Variants in CTTN observed in about 807,000 individuals in gnomAD.
CTTN encodes cortactin, also known as src substrate cortactin.
Under a neutral mutation model 84.0 loss-of-function variants are expected in CTTN, and 28 were observed. That is an observed-to-expected ratio of 0.33 (90% CI 0.25 to 0.46). The LOEUF (loss-of-function observed/expected upper bound fraction) is 0.46, where lower values mean the gene tolerates loss of function less well. CTTN is among the 20% of genes least tolerant of loss of function. CTTN has a pLI of 1.00. For synonymous variants in CTTN, 301 were observed against 288.8 expected (o/e 1.04, Z -0.43); for missense variants, 641 against 723.8 (o/e 0.89, Z 1.31).
intron 13 of CTTN, among the ~76,000 whole-genome samples, 190 bp from the exon 14 acceptor site, chr11:70,428,861 C>T (rs2058325365): frequency 6.6e-6 from 1 of 152,226 alleles, no homozygotes; most frequent in Non-Finnish European, 1.5e-5. Context: ...GTACGCAGTG[C>T]CCTGCGGCAG....
chr11:70,412,410 G>C (rs2058105064), intron 5 of CTTN, among the ~76,000 whole-genome samples: 1 of 152,148 alleles, frequency 6.6e-6, no homozygotes, highest in Non-Finnish European at 1.5e-5. Context: ...GCGACAGAGA[G>C]AGACGCTGTC....
At chr11:70,424,492 C>T (rs1433112912) in intron 12 of CTTN, among the ~76,000 whole-genome samples, 1 of 151,996 alleles carries the variant, frequency 6.6e-6, no homozygotes, top group Non-Finnish European at 1.5e-5. Context: ...CTGCCCGGGT[C>T]CCCATACATT....
chr11:70,432,293 C>G (rs899727848), intron 15 of CTTN, among the ~76,000 whole-genome samples: 4 of 152,228 alleles, frequency 2.6e-5, no homozygotes, highest in Admixed American at 2.0e-4. Flanking sequence ...CCCTGCCCCT[C>G]CCGTGCAGTT....
chr11:70,436,082 G>C lies in CTTN; in HGVS notation c.*920G>C. The C allele has an allele frequency of 7.0e-7, 1 of 1,426,166 alleles. No homozygotes were observed. Among genetic ancestry groups the C allele is most frequent in the East Asian group, 2.5e-5 (1 of 39,342 alleles). 88.3% of individuals were successfully genotyped at this position (1,426,166 alleles called of 1,614,324 possible). A position where few individuals can be genotyped will look rare whatever the true frequency, so the allele number is the denominator to read the frequency against. On this transcript the variant is annotated 3_prime_UTR_variant, in exon 18 of 18. Coordinates refer to ENST00000301843, the MANE Select transcript of CTTN (RefSeq NM_005231.4). ...GGCCTTGGGAAGGAAGGCAGTGCCT[G>C]CTCTGCTGTGAGCCGCCAGGAACCC...
At position 70,435,253 on chromosome 11, in the gene CTTN, G is replaced by GTTTTTTTTTTTTTT. The variant is rs370623790; in HGVS notation, c.*103_*116dup. The GTTTTTTTTTTTTTT allele has an allele frequency of 8.1e-5, 76 of 938,670 alleles. No homozygotes were observed. The highest frequency in any genetic ancestry group is 2.4e-4 in the South Asian group (9 of 37,318). 58.1% of individuals were successfully genotyped at this position (938,670 alleles called of 1,614,324 possible). ...TCTTGGGTGGTTTTGGGTTTTTTCT[G>GTTTTTTTTTTTTTT]TTTTTTTTTTTTTTTTTTTTTTTTT... is the stretch of plus-strand genomic sequence containing the variant. On this transcript the variant is annotated 3_prime_UTR_variant, in exon 18 of 18. Coordinates refer to ENST00000301843, the MANE Select transcript of CTTN (RefSeq NM_005231.4).
intron 7 of CTTN, among the ~76,000 whole-genome samples, chr11:70,416,463 G>C (rs1367934258): frequency 6.6e-6 from 1 of 151,972 alleles, no homozygotes; most frequent in Non-Finnish European, 1.5e-5. Flanking sequence ...ACAGAGTCTC[G>C]CTCTGTTGCC....
chr11:70,419,739 T>A lies in CTTN; in HGVS notation c.569-7T>A. The A allele has an allele frequency of 1.2e-6, 2 of 1,604,840 alleles. No homozygotes were observed. The highest frequency in any genetic ancestry group is 1.7e-6 in the Non-Finnish European group (2 of 1,176,988). ...TTTTAAAGTAGTCCTTTTTTGTTTG[T>A]TTTTAGATTACTCCAAAGGTTTCGG... On this transcript the variant is annotated splice_region_variant and splice_polypyrimidine_tract_variant and intron_variant, in intron 8 of 17. Transcript: ENST00000301843.
chr11:70,420,312 T>C (rs1428979186), intron 9 of CTTN, 88 bp from the exon 10 acceptor site: 1 of 836,266 alleles, frequency 1.2e-6, no homozygotes, highest in South Asian at 1.4e-5. Context: ...GTGAATCATA[T>C]GCGTTTAACT....
In CTTN at chr11:70,436,171, T is replaced by A; in HGVS notation, c.*1009T>A. The A allele has an allele frequency of 1.3e-6, 2 of 1,484,936 alleles. No homozygotes were observed. The highest frequency in any genetic ancestry group is 2.7e-5 in the South Asian group (2 of 73,568). The allele number at this position is 1,484,936 out of a possible 1,614,324, so 92.0% of individuals were successfully genotyped here. A position where few individuals can be genotyped will look rare whatever the true frequency, so the allele number is the denominator to read the frequency against. On this transcript the variant is annotated 3_prime_UTR_variant, in exon 18 of 18. Transcript: ENST00000301843. Reference sequence around the variant, plus strand: ...ATCATGTTCAATTTCAGTAGTTTGATCAGTTGAAGGCTAGAAGTGTGAAGT... The same window carrying A: ...ATCATGTTCAATTTCAGTAGTTTGAACAGTTGAAGGCTAGAAGTGTGAAGT...
rs774736356 is a variant in CTTN at position 70,407,388 on chromosome 11, G to C, written c.87+4G>C. 6.2e-7 allele frequency: 1 copy of C among 1,604,902 alleles called. No individual in the cohort carries two copies. The highest frequency in any genetic ancestry group is 8.5e-7 in the Non-Finnish European group (1 of 1,175,356). ...GGAGACCGACCCTGATTTTGTGGTAGGAGCCGCCAGCCTTTGCTTTCCTCT... is the reference window on the plus strand; with the variant it reads ...GGAGACCGACCCTGATTTTGTGGTACGAGCCGCCAGCCTTTGCTTTCCTCT... On this transcript the variant is annotated splice_donor_region_variant and intron_variant, in intron 3 of 17. Coordinates refer to ENST00000301843, the MANE Select transcript of CTTN (RefSeq NM_005231.4).
chr11:70,415,712 A>G lies in CTTN; in HGVS notation c.452A>G (p.Gln151Arg), dbSNP rs2058150229. ...YQGKTEKHAS[Q>R]KDYSSGFGGK... ...GGGAAGACTGAGAAGCATGCCTCCC[A>G]GAAAGGTAAGACGCGAAAGGTGCAG... Residue 151 changes from glutamine to arginine, a missense_variant, in exon 7 of 18, where the codon CAG becomes CGG. Gln to Arg is a conservative substitution (Grantham distance 43). Around this residue, in one of 3 missense-constraint regions of CTTN, gnomAD observed 284 missense variants for 348.4 expected, o/e 0.82. Coordinates refer to ENST00000301843, the MANE Select transcript of CTTN (RefSeq NM_005231.4). 1 of 1,614,180 alleles carries G rather than the reference A, an allele frequency of 6.2e-7. No individual in the cohort carries two copies. Among genetic ancestry groups the G allele is most frequent in the Non-Finnish European group, 8.5e-7 (1 of 1,179,984 alleles).
chr11:70,420,504 C>G lies in CTTN; in HGVS notation c.784C>G (p.Gln262Glu). The G allele has an allele frequency of 6.2e-7, 1 of 1,610,574 alleles. No individual in the cohort carries two copies. Among genetic ancestry groups the G allele is most frequent in the South Asian group, 1.1e-5 (1 of 90,982 alleles). The change falls in exon 10 of 18, where the codon CAA (glutamine) becomes GAA (glutamate). Residue 262 changes from glutamine (Q) to glutamate (E), a missense_variant. Transcript: ENST00000301843. Reference protein sequence around the residue: ...HQEKLQLHESQKDYKTGFGGK... With the variant: ...HQEKLQLHESEKDYKTGFGGK... ...GGAGAAATTGCAGCTGCATGAATCC[C>G]AAAAAGGTACATTCACTCTGCCTGT...
chr11:70,420,073 G>T (rs1210564068), intron 9 of CTTN: 2 of 601,516 alleles, frequency 3.3e-6, no homozygotes, highest in Admixed American at 6.3e-5. Flanking sequence ...CAGCGGCGTT[G>T]CTTATCGTGG....
At chr11:70,410,043 T>A in intron 5 of CTTN, 83 bp downstream of exon 5, 1 of 1,481,136 alleles carries the variant, frequency 6.8e-7, no homozygotes, top group South Asian at 1.2e-5. Context: ...CCTCAGTCTT[T>A]CCTTAGATCA....
At position 70,405,263 on chromosome 11, in the gene CTTN, A is replaced by G. The variant is rs571597426; in HGVS notation, c.-97-2A>G. ...AGCTTTTTACCCTTAATCTTTTTACAGACGGAATCAGTCCCCAATGCCTGG... is the reference window on the plus strand; with the variant it reads ...AGCTTTTTACCCTTAATCTTTTTACGGACGGAATCAGTCCCCAATGCCTGG... On this transcript the variant is annotated splice_acceptor_variant, in intron 1 of 17. Transcript: ENST00000301843. LOFTEE classifies it low-confidence loss of function (5UTR_SPLICE). 6.6e-5 allele frequency: 10 copies of G among 152,328 alleles called. No individual in the cohort carries two copies. The highest frequency in any genetic ancestry group is 2.4e-4 in the African/African-American group (10 of 41,566). 9.4% of individuals were successfully genotyped at this position (152,328 alleles called of 1,614,324 possible).
Position 70,435,714 on chromosome 11 carries a change from T to C in CTTN, c.*552T>C, listed in dbSNP as rs2058410700. The C allele has an allele frequency of 3.8e-6, 6 of 1,598,042 alleles. No homozygotes were observed. The highest frequency in any genetic ancestry group is 5.1e-6 in the Non-Finnish European group (6 of 1,179,684). ...TGCCATGTCAGATGGGAAATCTGCC[T>C]ATGTCATACCGTGACAGCCCGCAGG... On this transcript the variant is annotated 3_prime_UTR_variant, in exon 18 of 18. Coordinates refer to ENST00000301843, the MANE Select transcript of CTTN (RefSeq NM_005231.4).
intron 13 of CTTN, among the ~76,000 whole-genome samples, chr11:70,427,101 G>A (rs138668913): frequency 4.9e-4 from 75 of 151,766 alleles, no homozygotes; most frequent in African/African-American, 1.7e-3. Context: ...TGTAATCCCA[G>A]CACTCTGGGA....
In CTTN at chr11:70,402,179, G is replaced by A. The variant is rs541567020; in HGVS notation, c.-97-3086G>A. 1.1e-4 allele frequency among the ~76,000 whole-genome samples: 16 copies of A among 152,210 alleles called. No individual in the cohort carries two copies. In the South Asian group the frequency reaches 3.3e-3, roughly 32 times the overall value. On this transcript the variant is annotated intron_variant, in intron 1 of 17. Coordinates refer to ENST00000301843, the MANE Select transcript of CTTN (RefSeq NM_005231.4). ...AAGAAAAAAAAAGTTATTGTGTAGAGGAATTTTTCACTCTGTCTAGACAGC... is the reference window on the plus strand; with the variant it reads ...AAGAAAAAAAAAGTTATTGTGTAGAAGAATTTTTCACTCTGTCTAGACAGC...
In CTTN at chr11:70,419,780, C is replaced by T. The variant is rs759044304; in HGVS notation, c.603C>T (p.Ile201=). Residue 201 remains isoleucine (I), a synonymous_variant, in exon 9 of 18, where the codon ATC becomes ATT. Transcript: ENST00000301843. ...YSKGFGGKYG[I]DKDKVDKSAV... ...AAGGTTTCGGCGGCAAATACGGTAT[C>T]GACAAGGACAAAGTGGATAAGAGCG... 1 of 1,611,552 alleles carries T rather than the reference C, an allele frequency of 6.2e-7. No homozygotes were observed. Among genetic ancestry groups the T allele is most frequent in the Non-Finnish European group, 8.5e-7 (1 of 1,179,516 alleles).
Sources: allele counts gnomAD v4.1 joint callset (sites outside exome capture counted in the v4.1 genomes callset), GRCh38; gene constraint gnomAD v4.1.1; regional missense constraint gnomAD v4.1.1; transcripts MANE v1.5; gene names NCBI Gene and HGNC (gene_info 2026-07-23, HGNC 2026-07-21).